NBPF15: variants seen among roughly 807,000 people sequenced by gnomAD.
NBPF15 encodes the protein NBPF member 15.
Under a neutral mutation model 62.2 loss-of-function variants are expected in NBPF15, and 74 were observed. That is an observed-to-expected ratio of 1.19 (90% CI 0.99 to 1.44). The LOEUF (loss-of-function observed/expected upper bound fraction) is 1.44, where lower values mean the gene tolerates loss of function less well. Ranked by LOEUF, NBPF15 falls within the 40% of genes most tolerant of loss-of-function variation. The pLI, the probability that NBPF15 is intolerant of heterozygous loss-of-function variation, is 0.00. For missense variants in NBPF15, 790 were observed against 550.0 expected, an observed-to-expected ratio of 1.44 and a Z score of -4.36; for synonymous variants, 244 against 209.7, an observed-to-expected ratio of 1.16 and a Z score of -1.41.
rs1349989270 is a variant in NBPF15, at chr1:144,426,644, G to A, written c.1266-194C>T. On this transcript the variant is annotated intron_variant, in intron 17 of 21. Coordinates refer to ENST00000581897, the MANE Select transcript of NBPF15 (RefSeq NM_001385408.1). ...GAAAAGAATGAAAGAGAAAGACAGG[G>A]AGAGGGAGAGAGAGAGAGAGGAGAA... is the stretch of plus-strand genomic sequence containing the variant. 1.6e-4 allele frequency among the ~76,000 whole-genome samples: 24 copies of A among 150,492 alleles called. No individual in the cohort carries two copies. In the East Asian group the frequency reaches 4.5e-3, roughly 28 times the overall value.
At chr1:144,424,654 A>T (rs1334972424) in intron 20 of NBPF15, 36 bp downstream of exon 20, 4 of 636,874 alleles carry the variant, frequency 6.3e-6, no homozygotes, top group Non-Finnish European at 1.1e-5. Flanking sequence ...TGGAAGACTC[A>T]GTGGATCCTT....
chr1:144,423,143 T>C lies in NBPF15; in HGVS notation c.1883A>G (p.Tyr628Cys), dbSNP rs1553538553. The C allele has an allele frequency of 6.2e-7, 1 of 1,611,524 alleles. No individual in the cohort carries two copies. Among genetic ancestry groups the C allele is most frequent in the East Asian group, 2.2e-5 (1 of 44,856 alleles). Residue 628 changes from tyrosine to cysteine, a missense_variant, in exon 22 of 22, where the codon TAC (tyrosine) becomes TGC (cysteine). Tyr to Cys is a radical substitution (Grantham distance 194, BLOSUM62 -2). Coordinates refer to ENST00000581897, the MANE Select transcript of NBPF15 (RefSeq NM_001385408.1). ...YFEQPDSFQH[Y>C]RSVFYSFEEE... ...CTCAAATGAGTAAAACACACTTCTG[T>C]AGTGCTGGAATGAGTCAGGTTGTTC...
intron 1 of NBPF15, among the ~76,000 whole-genome samples, 152 bp from the exon 2 acceptor site, chr1:144,461,113 T>C (rs370491409): frequency 1.3e-5 from 2 of 151,494 alleles, no homozygotes; most frequent in African/African-American, 4.9e-5. Context: ...CTCCACAGGA[T>C]ACACGAGGAC....
chr1:144,428,952 A>T (rs1243720034), intron 14 of NBPF15, among the ~76,000 whole-genome samples: 9 of 152,170 alleles, frequency 5.9e-5, no homozygotes, highest in South Asian at 2.1e-4. Context: ...GTAGGCAAAT[A>T]GTTCTAACAC....
At position 144,423,276 on chromosome 1, in the gene NBPF15, T is replaced by A. The variant is rs1299100504; in HGVS notation, c.1770-20A>T. The A allele has an allele frequency of 6.2e-7, 1 of 1,610,622 alleles. No individual in the cohort carries two copies. Among genetic ancestry groups the A allele is most frequent in the African/African-American group, 1.3e-5 (1 of 74,436 alleles). On this transcript the variant is annotated intron_variant, in intron 21 of 21. Coordinates refer to ENST00000581897, the MANE Select transcript of NBPF15 (RefSeq NM_001385408.1). ...TAGAGCCTGGAAAAGGAGACAAAAC[T>A]AAAGAAGCAGCCAGGGAAAATCAGA...
rs1298542725 is a variant in NBPF15, at chr1:144,423,850, C to A, written c.1769+20G>T. On this transcript the variant is annotated intron_variant, in intron 21 of 21. Coordinates refer to ENST00000581897, the MANE Select transcript of NBPF15 (RefSeq NM_001385408.1). Reference sequence around the variant, plus strand: ...CAGGTGTTAACACAGAATTAAGCATCCACAATTGCTGAAAGTTACCTGGGG... The same window carrying A: ...CAGGTGTTAACACAGAATTAAGCATACACAATTGCTGAAAGTTACCTGGGG... The A allele has an allele frequency of 3.9e-6, 3 of 763,638 alleles. No homozygotes were observed. The highest frequency in any genetic ancestry group is 2.7e-5 in the South Asian group (2 of 74,502). 47.3% of individuals were successfully genotyped at this position (763,638 alleles called of 1,614,324 possible).
Position 144,426,693 on chromosome 1 carries a change from G to C in NBPF15, c.1266-243C>G, listed in dbSNP as rs1558598555. Among the ~76,000 whole-genome samples the C allele has an allele frequency of 4.6e-5, 7 of 151,778 alleles. No individual in the cohort carries two copies. In the South Asian group the frequency reaches 1.5e-3, roughly 32 times the overall value. ...AAAGTGAGCTCAGCGAATTGGCCGG[G>C]TGACACACTGATGAAGGGGTCAAAG... On this transcript the variant is annotated intron_variant, in intron 17 of 21. Transcript: ENST00000581897.
chr1:144,447,978 T>A (rs1488666683), intron 6 of NBPF15, among the ~76,000 whole-genome samples: 4 of 152,074 alleles, frequency 2.6e-5, no homozygotes, highest in Non-Finnish European at 5.9e-5. Flanking sequence ...CATCAGCCAC[T>A]GTCGGCTGCT....
intron 16 of NBPF15, among the ~76,000 whole-genome samples, chr1:144,427,469 G>T (rs1307348137): frequency 2.0e-5 from 3 of 150,140 alleles, no homozygotes; most frequent in Admixed American, 6.6e-5. Flanking sequence ...ATGGTAGCAA[G>T]GATTTTAGAC....
chr1:144,434,835 C>T (rs1196127504), intron 12 of NBPF15, among the ~76,000 whole-genome samples: 15 of 152,090 alleles, frequency 9.9e-5, no homozygotes, highest in Admixed American at 8.5e-4. Flanking sequence ...GATACTGAAT[C>T]GAAGCTAGGA....
intron 20 of NBPF15, among the ~76,000 whole-genome samples, 161 bp from the exon 21 acceptor site, chr1:144,424,136 A>G (rs1443900802): frequency 6.6e-6 from 1 of 152,054 alleles, no homozygotes; most frequent in Admixed American, 6.6e-5. Context: ...GTCATGATAT[A>G]AATTCCTCAG....
chr1:144,447,873 G>A (rs1427410245), intron 6 of NBPF15, among the ~76,000 whole-genome samples: 5 of 152,170 alleles, frequency 3.3e-5, no homozygotes, highest in South Asian at 2.1e-4. Context: ...GGGTTGAAGA[G>A]TACACAGAGA....
Position 144,426,599 on chromosome 1 carries a change from G to A in NBPF15, c.1266-149C>T, listed in dbSNP as rs1254412830. 17 of 703,208 alleles carry A rather than the reference G, an allele frequency of 2.4e-5. 1 individual carries two copies. In the African/African-American group the frequency reaches 3.0e-4, roughly 12 times the overall value. The allele number at this position is 703,208 out of a possible 1,614,324, so 43.6% of individuals were successfully genotyped here. ...GTAATGAATTATTGCCTTTATGTTG[G>A]GATAGACCAGGGCCAGGTAGAAAAG... is the stretch of plus-strand genomic sequence containing the variant. On this transcript the variant is annotated intron_variant, in intron 17 of 21. Transcript: ENST00000581897.
intron 16 of NBPF15, 25 bp from the exon 17 acceptor site, chr1:144,427,123 G>T: frequency 1.8e-6 from 1 of 563,942 alleles, no homozygotes; most frequent in South Asian, 2.0e-5. Context: ...GACATGGACA[G>T]ACATATTAAG....
chr1:144,442,222 T>C (rs1290849210), intron 6 of NBPF15, among the ~76,000 whole-genome samples: 1 of 114,240 alleles, frequency 8.8e-6, no homozygotes, highest in Non-Finnish European at 1.7e-5. Flanking sequence ...ATATATAATA[T>C]ATATATTAAT....
intron 4 of NBPF15, among the ~76,000 whole-genome samples, chr1:144,455,772 C>G: frequency 6.6e-6 from 1 of 151,918 alleles, no homozygotes; most frequent in Non-Finnish European, 1.5e-5. Flanking sequence ...CTTTCTCCCC[C>G]TCTCAATGCC....
At chr1:144,457,543 G>A (rs587682268) in intron 3 of NBPF15, among the ~76,000 whole-genome samples, 7 of 152,054 alleles carry the variant, frequency 4.6e-5, no homozygotes, top group Admixed American at 3.3e-4. Context: ...TGTTGAATAT[G>A]GTATTAGTAT....
At chr1:144,455,459 C>T (rs1294728125) in intron 4 of NBPF15, among the ~76,000 whole-genome samples, 2 of 151,978 alleles carry the variant, frequency 1.3e-5, no homozygotes, top group African/African-American at 4.8e-5. Context: ...CTTCTTCCTC[C>T]TCTGAAACAC....
At chr1:144,454,547 TA>T (rs1332585896) in intron 4 of NBPF15, among the ~76,000 whole-genome samples, 1 of 109,224 alleles carries the variant, frequency 9.2e-6, no homozygotes, top group Non-Finnish European at 1.7e-5. Context: ...AAATAACATC[TA>T]TTACTTTTTT....
Sources: gnomAD v4.1 joint callset for allele counts (sites outside exome capture counted in the v4.1 genomes callset) on GRCh38, gnomAD v4.1.1 for gene constraint, MANE v1.5 for transcripts, NCBI Gene and HGNC (gene_info 2026-07-23, HGNC 2026-07-21) for gene names.